The following SLC24A4 variants were observed in gnomAD, a reference collection of about 807,000 sequenced individuals.
The protein encoded by SLC24A4 is sodium/potassium/calcium exchanger 4.
A neutral mutation model predicts 79.0 loss-of-function variants in SLC24A4; 53 were observed. That is an observed-to-expected ratio of 0.67 (90% CI 0.54 to 0.84). SLC24A4 has a LOEUF of 0.84. SLC24A4 is among the 40% of genes least tolerant of loss of function. The pLI is 0.00. For synonymous variants in SLC24A4, 323 were observed against 323.8 expected, an observed-to-expected ratio of 1.00 and a Z score of 0.03; for missense variants, 731 against 822.0, an observed-to-expected ratio of 0.89 and a Z score of 1.35.
chr14:92,401,941 C>T (rs867217580), intron 2 of SLC24A4, among the ~76,000 whole-genome samples: 8 of 152,182 alleles, frequency 5.3e-5, no homozygotes, highest in Admixed American at 2.0e-4. Context: ...TTCCTCTGAA[C>T]ACCAATGTCA....
rs1263500899 is a variant in SLC24A4 at position 92,353,693 on chromosome 14, C to A, written c.241+27715C>A. On this transcript the variant is annotated intron_variant, in intron 2 of 16. Transcript: ENST00000532405. The surrounding 1 kb of genome is among the most constrained non-coding windows in gnomAD (Gnocchi z 4.1). ...TTCCCTTTCTGCTTGCTCTTCGTGTCCTTTTCTGTGTAGGCATTTAATCAG... is the reference window on the plus strand; with the variant it reads ...TTCCCTTTCTGCTTGCTCTTCGTGTACTTTTCTGTGTAGGCATTTAATCAG... Among the ~76,000 whole-genome samples the A allele has an allele frequency of 6.6e-6, 1 of 152,128 alleles. No homozygotes were observed. Among genetic ancestry groups the A allele is most frequent in the Non-Finnish European group, 1.5e-5 (1 of 68,038 alleles).
At chr14:92,324,914 G>A (rs556938330) in intron 1 of SLC24A4, among the ~76,000 whole-genome samples, 1 of 152,312 alleles carries the variant, frequency 6.6e-6, no homozygotes, top group South Asian at 2.1e-4. Context: ...TAAAAATCCA[G>A]TGGAACTTGA....
chr14:92,468,355 A>G (rs7154691), intron 12 of SLC24A4, among the ~76,000 whole-genome samples: 105,795 of 152,040 alleles, frequency 0.7, 37,492 homozygotes, highest in Non-Finnish European at 0.76. Context: ...GATCAGATTT[A>G]ATGCAATCCT....
chr14:92,353,708 C>T lies in SLC24A4; in HGVS notation c.241+27730C>T, dbSNP rs1321187937. ...CTCTTCGTGTCCTTTTCTGTGTAGG[C>T]ATTTAATCAGCTGTACCCTACTTGG... is the stretch of plus-strand genomic sequence containing the variant. On this transcript the variant is annotated intron_variant, in intron 2 of 16. Coordinates refer to ENST00000532405, the MANE Select transcript of SLC24A4 (RefSeq NM_153646.4). The surrounding 1 kb of genome is among the most constrained non-coding windows in gnomAD (Gnocchi z 4.1). 1.3e-5 allele frequency among the ~76,000 whole-genome samples: 2 copies of T among 152,176 alleles called. No homozygotes were observed. Among genetic ancestry groups the T allele is most frequent in the African/African-American group, 4.8e-5 (2 of 41,426 alleles).
intron 2 of SLC24A4, among the ~76,000 whole-genome samples, chr14:92,415,053 T>C (rs1334975596): frequency 6.6e-6 from 1 of 150,504 alleles, no homozygotes; most frequent in East Asian, 1.9e-4. Context: ...GTTGGACTCA[T>C]GGTTGAAAGG....
intron 10 of SLC24A4, chr14:92,450,089 A>G (rs1460432321): frequency 1.3e-5 from 2 of 152,278 alleles, no homozygotes; most frequent in African/African-American, 4.8e-5. Context: ...CTCCACCCAC[A>G]GTGTTGGGCA....
rs144483899 is a variant in SLC24A4 at position 92,369,630 on chromosome 14, G to A, written c.241+43652G>A. On this transcript the variant is annotated intron_variant, in intron 2 of 16. Transcript: ENST00000532405. The stretch of plus-strand genomic sequence containing the variant: ...ATAATGTTGAATCAAGAATAAATTC[G>A]TCGACAGTCATAATAGTGTGACTAT... Among the ~76,000 whole-genome samples, 326 of 152,280 alleles carry A rather than the reference G, an allele frequency of 2.1e-3. 1 individual carries two copies. The highest frequency in any genetic ancestry group is 7.3e-3 in the African/African-American group (302 of 41,542).
chr14:92,487,628 C>T (rs1895443272), intron 14 of SLC24A4, among the ~76,000 whole-genome samples: 1 of 152,184 alleles, frequency 6.6e-6, no homozygotes, highest in South Asian at 2.1e-4. Flanking sequence ...CGAATGGGGA[C>T]AGTTAGGGAC....
chr14:92,371,793 T>C (rs1474331958), intron 2 of SLC24A4, among the ~76,000 whole-genome samples: 1 of 152,236 alleles, frequency 6.6e-6, no homozygotes, highest in Non-Finnish European at 1.5e-5. Context: ...GATGGCAGAA[T>C]AAAGACATTT....
chr14:92,458,783 G>A (rs1042504157), intron 12 of SLC24A4, among the ~76,000 whole-genome samples: 2 of 152,208 alleles, frequency 1.3e-5, no homozygotes, highest in Non-Finnish European at 2.9e-5. Context: ...TGTCCACGTG[G>A]GGCTGGGGAA....
chr14:92,463,781 G>C (rs11627318), intron 12 of SLC24A4, among the ~76,000 whole-genome samples: 20,945 of 151,992 alleles, frequency 0.14, 1,570 homozygotes, highest in East Asian at 0.23. Context: ...ACCCCAAAAG[G>C]CACCCCTCAC....
chr14:92,478,289 T>C (rs1205107280), intron 12 of SLC24A4, among the ~76,000 whole-genome samples: 1 of 152,254 alleles, frequency 6.6e-6, no homozygotes, highest in Non-Finnish European at 1.5e-5. Flanking sequence ...TATTTAGGTC[T>C]TAATCATTTT....
intron 7 of SLC24A4, 92 bp downstream of exon 7, chr14:92,443,566 A>G: frequency 1.5e-6 from 2 of 1,304,094 alleles, no homozygotes; most frequent in Admixed American, 1.9e-5. Context: ...CACTGTGACC[A>G]GAGAGGACTC....
Position 92,341,959 on chromosome 14 carries a change from A to T in SLC24A4, c.241+15981A>T, listed in dbSNP as rs1886167973. On this transcript the variant is annotated intron_variant, in intron 2 of 16. Transcript: ENST00000532405. ...TTTTCCTTAGCCAGCTAAGATTCCG[A>T]TATAGCCGTGTGTGAAAAGTGACTC... 2.6e-5 allele frequency among the ~76,000 whole-genome samples: 4 copies of T among 152,126 alleles called. No individual in the cohort carries two copies. In the South Asian group the frequency reaches 8.3e-4, roughly 32 times the overall value.
intron 12 of SLC24A4, among the ~76,000 whole-genome samples, chr14:92,469,340 C>T (rs1003038010): frequency 6.6e-6 from 1 of 152,072 alleles, no homozygotes; most frequent in Non-Finnish European, 1.5e-5. Context: ...AACCCTGTCT[C>T]AACTAAAAAT....
intron 11 of SLC24A4, among the ~76,000 whole-genome samples, chr14:92,456,044 A>T (rs1893439651): frequency 6.6e-6 from 1 of 152,362 alleles, no homozygotes; most frequent in African/African-American, 2.4e-5. Flanking sequence ...ATTAAAAATT[A>T]CAAAATGCAC....
chr14:92,385,902 G>T (rs757181074), intron 2 of SLC24A4, among the ~76,000 whole-genome samples: 1 of 152,214 alleles, frequency 6.6e-6, no homozygotes, highest in Admixed American at 6.5e-5. Context: ...GAGAGGTAAG[G>T]TGAGTGGGCG....
intron 8 of SLC24A4, 136 bp from the exon 9 acceptor site, chr14:92,447,235 C>A: frequency 1.4e-6 from 1 of 708,446 alleles, no homozygotes; most frequent in Non-Finnish European, 2.4e-6. Flanking sequence ...CTCTCACATG[C>A]CTGGGTTCTG....
At chr14:92,385,699 C>A (rs1033995501) in intron 2 of SLC24A4, among the ~76,000 whole-genome samples, 5 of 152,072 alleles carry the variant, frequency 3.3e-5, no homozygotes, top group Admixed American at 3.3e-4. Flanking sequence ...CATTTGGATG[C>A]ACTCTGGGGC....
Sources: allele counts gnomAD v4.1 joint callset (sites outside exome capture counted in the v4.1 genomes callset), GRCh38; gene constraint gnomAD v4.1.1; non-coding constraint Gnocchi (gnomAD v3.1); transcripts MANE v1.5; gene names NCBI Gene and HGNC (gene_info 2026-07-23, HGNC 2026-07-21).